TANC1: variants seen among roughly 807,000 people sequenced by gnomAD.
TANC1 encodes protein TANC1.
Under a neutral mutation model 149.7 loss-of-function variants are expected in TANC1, and 77 were observed. The ratio of observed to expected loss-of-function variants is 0.51; its 90% CI spans 0.43 to 0.62. The LOEUF (loss-of-function observed/expected upper bound fraction) is 0.62, where lower values mean the gene tolerates loss of function less well. Ranked by LOEUF, TANC1 falls within the 20% of genes least tolerant of loss-of-function variation. TANC1 has a pLI of 0.00. For missense variants in TANC1, 1,985 were observed against 2,321.8 expected (o/e 0.85, Z 2.98); for synonymous variants, 854 against 925.0 (o/e 0.92, Z 1.39).
At chr2:159,140,426 C>T (rs2051231475) in intron 5 of TANC1, among the ~76,000 whole-genome samples, 2 of 152,192 alleles carry the variant, frequency 1.3e-5, no homozygotes, top group Admixed American at 1.3e-4. Context: ...GGTATGTGTG[C>T]ACAGAAGAGA....
intron 4 of TANC1, among the ~76,000 whole-genome samples, chr2:159,107,148 C>T (rs531928447): frequency 7.3e-4 from 111 of 152,302 alleles, no homozygotes; most frequent in Non-Finnish European, 1.4e-3. Flanking sequence ...CTGTCTCAGC[C>T]TCCTGAGTAG....
At chr2:159,144,046 G>T (rs1332788341) in intron 5 of TANC1, among the ~76,000 whole-genome samples, 1 of 151,208 alleles carries the variant, frequency 6.6e-6, no homozygotes, top group Admixed American at 6.6e-5. Context: ...TGAATTCTGA[G>T]ACCAAAAAGC....
intron 21 of TANC1, 46 bp downstream of exon 21, chr2:159,219,407 G>A: frequency 6.2e-7 from 1 of 1,612,206 alleles, no homozygotes; most frequent in South Asian, 1.1e-5. Context: ...CGGACACAGA[G>A]AGAACTTCAG....
At chr2:159,228,940 T>A in intron 26 of TANC1, 44 bp downstream of exon 26, 1 of 1,516,468 alleles carries the variant, frequency 6.6e-7, no homozygotes, top group Non-Finnish European at 9.1e-7. Flanking sequence ...TTTTTTCTTG[T>A]GGGATCAAAC....
rs561495246 is a variant in TANC1 at position 158,968,951 on chromosome 2, G to A, written c.-126+169G>A. Among the ~76,000 whole-genome samples the A allele has an allele frequency of 2.0e-5, 3 of 152,188 alleles. No individual in the cohort carries two copies. In the South Asian group the frequency reaches 6.2e-4, roughly 32 times the overall value. ...GCCCCCTCCTCCGCCGGGCACACCC[G>A]GGAGCTTTCCGGGAATAGGCACAGA... On this transcript the variant is annotated intron_variant, in intron 1 of 26. Coordinates refer to ENST00000263635, the MANE Select transcript of TANC1 (RefSeq NM_033394.3).
chr2:159,008,548 C>T (rs773774720), intron 2 of TANC1, among the ~76,000 whole-genome samples: 4 of 152,070 alleles, frequency 2.6e-5, no homozygotes, highest in African/African-American at 4.8e-5. Context: ...GGTTTGCATA[C>T]CCAAAACGTC....
chr2:159,179,010 A>T lies in TANC1; in HGVS notation c.2357A>T (p.Gln786Leu), dbSNP rs975905178. The change falls in exon 14 of 27, where the codon CAG becomes CTG. Residue 786 changes from glutamine to leucine, a missense_variant. Gln to Leu is a moderately radical substitution (Grantham distance 113). Transcript: ENST00000263635. ...AATGCTGGCCACATCCAGGGGGAGCAGGGATGGGAAGACTTTCAGCAGAGG... is the reference window on the plus strand; with the variant it reads ...AATGCTGGCCACATCCAGGGGGAGCTGGGATGGGAAGACTTTCAGCAGAGG... ...AINAGHIQGEQGWEDFQQRMD... is the reference protein window; with the variant it reads ...AINAGHIQGELGWEDFQQRMD... The T allele has an allele frequency of 6.2e-7, 1 of 1,614,006 alleles. No individual in the cohort carries two copies.
At chr2:159,203,292 C>T (rs543646022) in intron 19 of TANC1, among the ~76,000 whole-genome samples, 1 of 151,586 alleles carries the variant, frequency 6.6e-6, no homozygotes, top group South Asian at 2.1e-4. Context: ...CTGCAACCTC[C>T]AACTCCCTGG....
intron 1 of TANC1, among the ~76,000 whole-genome samples, chr2:158,994,380 C>G (rs1042443794): frequency 1.3e-5 from 2 of 152,168 alleles, no homozygotes; most frequent in African/African-American, 4.8e-5. Context: ...AGCAATTTTC[C>G]AGCCTCTGCC....
chr2:159,090,216 A>G (rs1481365972), intron 3 of TANC1, among the ~76,000 whole-genome samples: 4 of 152,208 alleles, frequency 2.6e-5, no homozygotes, highest in African/African-American at 9.6e-5. Context: ...GTGTGCCTAC[A>G]TACATATGTA....
rs1274814593 is a variant in TANC1, at chr2:159,224,317, G to A, written c.3764G>A (p.Arg1255Gln). Residue 1255 changes from arginine to glutamine, a missense_variant, in exon 23 of 27, where the codon CGG (arginine) becomes CAG (glutamine). By Grantham distance (43) the Arg-to-Gln change is conservative. Around this residue, in one of 3 missense-constraint regions of TANC1, gnomAD observed 920 missense variants for 994.7 expected, o/e 0.92. Transcript: ENST00000263635. Reference sequence around the variant, plus strand: ...CCCTTGGACAGAGCCATCGGCTGCCGGAACACATCTGTAGTGGTGGCGCTA... The same window carrying A: ...CCCTTGGACAGAGCCATCGGCTGCCAGAACACATCTGTAGTGGTGGCGCTA... The part of the protein sequence containing the change: ...MRPLDRAIGC[R>Q]NTSVVVALLR... 7 of 1,614,032 alleles carry A rather than the reference G, an allele frequency of 4.3e-6. No homozygotes were observed. In the South Asian group the frequency reaches 4.4e-5, roughly 10 times the overall value.
At chr2:158,992,962 G>A (rs566593212) in intron 1 of TANC1, among the ~76,000 whole-genome samples, 4 of 147,314 alleles carry the variant, frequency 2.7e-5, no homozygotes, top group African/African-American at 7.3e-5. Flanking sequence ...CATCACAGCC[G>A]CGTTAGTTTA....
chr2:159,079,140 A>G (rs1449547788), intron 3 of TANC1, among the ~76,000 whole-genome samples: 2 of 152,164 alleles, frequency 1.3e-5, no homozygotes, highest in Non-Finnish European at 2.9e-5. Context: ...CAGAAGGTGA[A>G]TCTCAGTTCA....
chr2:159,213,593 G>C (rs1192361440), intron 19 of TANC1, among the ~76,000 whole-genome samples: 1 of 152,124 alleles, frequency 6.6e-6, no homozygotes, highest in East Asian at 1.9e-4. Flanking sequence ...CTGCAGTCCA[G>C]ATCAGCTGTA....
At chr2:159,111,470 C>T (rs547320230) in intron 4 of TANC1, among the ~76,000 whole-genome samples, 210 of 152,314 alleles carry the variant, frequency 1.4e-3, no homozygotes, top group African/African-American at 4.9e-3. Context: ...GCTTAAATGC[C>T]ATCTGCAGAC....
At chr2:159,199,412 C>A (rs1290028490) in intron 19 of TANC1, among the ~76,000 whole-genome samples, 2 of 152,208 alleles carry the variant, frequency 1.3e-5, no homozygotes, top group African/African-American at 4.8e-5. Context: ...GCGAGCCAGG[C>A]ATGAACTTCT....
intron 5 of TANC1, among the ~76,000 whole-genome samples, chr2:159,145,882 GA>G (rs2052024802): frequency 6.6e-6 from 1 of 152,170 alleles, no homozygotes; most frequent in Non-Finnish European, 1.5e-5. Flanking sequence ...TTAAATCTGT[GA>G]AATGAAAAGT....
intron 2 of TANC1, among the ~76,000 whole-genome samples, chr2:159,006,567 T>G (rs1164049503): frequency 2.0e-5 from 3 of 152,194 alleles, no homozygotes; most frequent in Non-Finnish European, 4.4e-5. Context: ...GCTATTTCCA[T>G]TATAAAATAT....
intron 4 of TANC1, among the ~76,000 whole-genome samples, chr2:159,130,968 G>A (rs554294383): frequency 3.3e-5 from 5 of 152,274 alleles, no homozygotes; most frequent in East Asian, 1.9e-4. Context: ...AAAGGGGTAC[G>A]TTGAGGGCAA....
Sources: allele counts gnomAD v4.1 joint callset (sites outside exome capture counted in the v4.1 genomes callset), GRCh38; gene constraint gnomAD v4.1.1; regional missense constraint gnomAD v4.1.1; transcripts MANE v1.5; gene names NCBI Gene and HGNC (gene_info 2026-07-23, HGNC 2026-07-21).